The following CNBD1 variants were observed in gnomAD, a reference collection of about 807,000 sequenced individuals.
CNBD1 encodes cyclic nucleotide-binding domain-containing protein 1.
In CNBD1, 71 loss-of-function variants were observed where a neutral mutation model predicts 54.4. The observed-to-expected ratio is 1.30, with a 90% CI of 1.08 to 1.59. The LOEUF is 1.59. Ranked by LOEUF, CNBD1 falls within the 40% of genes most tolerant of loss-of-function variation. The pLI, the probability that CNBD1 is intolerant of heterozygous loss-of-function variation, is 0.00. For missense variants in CNBD1, 659 were observed against 518.0 expected (o/e 1.27, Z -2.64); for synonymous variants, 182 against 170.7 (o/e 1.07, Z -0.51).
intron 10 of CNBD1, among the ~76,000 whole-genome samples, chr8:87,356,101 G>C (rs1478810230): frequency 1.3e-5 from 2 of 151,834 alleles, no homozygotes; most frequent in Non-Finnish European, 2.9e-5. Flanking sequence ...TGCCATGCTT[G>C]TTAGACCCTG....
At chr8:87,189,712 TC>T (rs1813558578) in intron 4 of CNBD1, among the ~76,000 whole-genome samples, 1 of 152,192 alleles carries the variant, frequency 6.6e-6, no homozygotes, top group African/African-American at 2.4e-5. Context: ...ATGTGTGCAC[TC>T]CGCGAATGAC....
rs551314050 is a variant in CNBD1 at position 87,139,072 on chromosome 8, C to A, written c.432-66921C>A. 2.0e-5 allele frequency among the ~76,000 whole-genome samples: 3 copies of A among 152,210 alleles called. No homozygotes were observed. In the East Asian group the frequency reaches 5.8e-4, roughly 29 times the overall value. ...TTTGTCGTAATTTTTCATTCAAATT[C>A]TTGTTCTTGTTGTGAAAGGATGATA... On this transcript the variant is annotated intron_variant, in intron 4 of 10. Coordinates refer to ENST00000518476, the MANE Select transcript of CNBD1 (RefSeq NM_173538.3).
At chr8:87,053,963 T>C (rs1486290128) in intron 4 of CNBD1, among the ~76,000 whole-genome samples, 1 of 152,200 alleles carries the variant, frequency 6.6e-6, no homozygotes, top group Non-Finnish European at 1.5e-5. Flanking sequence ...CTTAAAAGAA[T>C]GTAGGAATTG....
At chr8:87,357,813 G>T (rs1337115618) in intron 10 of CNBD1, among the ~76,000 whole-genome samples, 1 of 152,146 alleles carries the variant, frequency 6.6e-6, no homozygotes, top group African/African-American at 2.4e-5. Flanking sequence ...TTGGATGTCT[G>T]TCCCCTCCAA....
intron 4 of CNBD1, among the ~76,000 whole-genome samples, chr8:87,065,611 G>A (rs1810632517): frequency 6.6e-6 from 1 of 151,898 alleles, no homozygotes; most frequent in South Asian, 2.1e-4. Context: ...TCCAATCTTT[G>A]TTCTCCCTTT....
At chr8:86,886,664 A>C (rs978320664) in intron 1 of CNBD1, among the ~76,000 whole-genome samples, 1 of 152,216 alleles carries the variant, frequency 6.6e-6, no homozygotes, top group Non-Finnish European at 1.5e-5. Context: ...TTGGATGTCA[A>C]ATTCCAATTC....
At chr8:87,327,368 C>G (rs867706022) in intron 8 of CNBD1, among the ~76,000 whole-genome samples, 3 of 151,734 alleles carry the variant, frequency 2.0e-5, no homozygotes, top group African/African-American at 4.8e-5. Flanking sequence ...TTTACCTAAG[C>G]AAGCCTGGGC....
rs571279492 is a variant in CNBD1, at chr8:87,319,456, G to A, written c.1043-32229G>A. Among the ~76,000 whole-genome samples, 287 of 152,048 alleles carry A rather than the reference G, an allele frequency of 1.9e-3. 1 individual carries two copies. The highest frequency in any genetic ancestry group is 6.2e-3 in the African/African-American group (259 of 41,490). ...AATACTTGCAGAAATTTTACCTCAC[G>A]TAAATGGAGTTTAGATGAGTACTCA... On this transcript the variant is annotated intron_variant, in intron 8 of 10. Coordinates refer to ENST00000518476, the MANE Select transcript of CNBD1 (RefSeq NM_173538.3).
chr8:87,101,888 A>ATTTTT lies in CNBD1; in HGVS notation c.432-104091_432-104087dup, dbSNP rs373181788. ...AGGTGAAGTGGGATCAGTAGATTTA[A>ATTTTT]TTTTTTTTTTTTTTTTTTGAGACAG... On this transcript the variant is annotated intron_variant, in intron 4 of 10. Transcript: ENST00000518476. Among the ~76,000 whole-genome samples the ATTTTT allele has an allele frequency of 2.3e-3, 321 of 137,434 alleles. 7 individuals carry two copies. The highest frequency in any genetic ancestry group is 0.02 in the Admixed American group (264 of 13,464). 90.2% of individuals were successfully genotyped at this position (137,434 alleles called of 152,430 possible). A position where few individuals can be genotyped will look rare whatever the true frequency, so the allele number is the denominator to read the frequency against.
At chr8:87,228,559 C>G (rs1040781416) in intron 5 of CNBD1, among the ~76,000 whole-genome samples, 1 of 150,096 alleles carries the variant, frequency 6.7e-6, no homozygotes, top group Non-Finnish European at 1.5e-5. Context: ...GCTCGGGGGT[C>G]AGGGGTCAGG....
chr8:87,004,478 C>T (rs1048376915), intron 4 of CNBD1, among the ~76,000 whole-genome samples: 1 of 142,902 alleles, frequency 7.0e-6, no homozygotes, highest in African/African-American at 2.5e-5. Flanking sequence ...TTATATTACT[C>T]ATTATTGCAC....
chr8:87,128,931 A>AAG (rs2130723850), intron 4 of CNBD1, among the ~76,000 whole-genome samples: 1 of 150,320 alleles, frequency 6.7e-6, no homozygotes, highest in East Asian at 2.0e-4. Context: ...AAAAAAAAAA[A>AAG]AAAAAATTAG....
At chr8:87,403,456 C>T (rs905242798) in intron 2 of CNBD1, among the ~76,000 whole-genome samples, 17 of 151,982 alleles carry the variant, frequency 1.1e-4, no homozygotes, top group Admixed American at 3.3e-4. Context: ...TTTCAATTTC[C>T]GCGTGCTACT....
intron 2 of CNBD1, among the ~76,000 whole-genome samples, chr8:86,896,389 T>C (rs1008967370): frequency 1.3e-5 from 2 of 152,160 alleles, no homozygotes; most frequent in African/African-American, 4.8e-5. Flanking sequence ...GTTTGGATAA[T>C]ATGAACATTC....
chr8:87,278,259 A>G (rs1219340580), intron 6 of CNBD1, among the ~76,000 whole-genome samples: 1 of 151,634 alleles, frequency 6.6e-6, no homozygotes, highest in Non-Finnish European at 1.5e-5. Flanking sequence ...TATAGTAGAA[A>G]CAATATTTAG....
At chr8:87,240,856 C>A (rs950410567) in intron 6 of CNBD1, among the ~76,000 whole-genome samples, 2 of 152,064 alleles carry the variant, frequency 1.3e-5, no homozygotes, top group East Asian at 3.9e-4. Flanking sequence ...TACCCTTGAT[C>A]CCTGGCTTCA....
intron 8 of CNBD1, among the ~76,000 whole-genome samples, chr8:87,347,163 T>C (rs1810192054): frequency 6.6e-6 from 1 of 152,218 alleles, no homozygotes; most frequent in Non-Finnish European, 1.5e-5. Flanking sequence ...ACTTTCTTTT[T>C]ATTAATGTTT....
Position 87,195,642 on chromosome 8 carries a change from C to T in CNBD1, c.432-10351C>T, listed in dbSNP as rs1203739932. Among the ~76,000 whole-genome samples the T allele has an allele frequency of 4.0e-5, 6 of 151,126 alleles. No individual in the cohort carries two copies. In the South Asian group the frequency reaches 6.3e-4, roughly 16 times the overall value. On this transcript the variant is annotated intron_variant, in intron 4 of 10. Coordinates refer to ENST00000518476, the MANE Select transcript of CNBD1 (RefSeq NM_173538.3). ...AGGCTAGAGTGCAATGGTGCAATCT[C>T]GGCTCACTGCGACCTCTGCCTCTTG...
intron 4 of CNBD1, among the ~76,000 whole-genome samples, chr8:86,941,261 G>A (rs1563830544): frequency 1.3e-5 from 2 of 152,270 alleles, no homozygotes; most frequent in African/African-American, 2.4e-5. Context: ...AATTAAACTT[G>A]TAAGCTGAAA....
Sources: gnomAD v4.1 joint callset for allele counts (sites outside exome capture counted in the v4.1 genomes callset) on GRCh38, gnomAD v4.1.1 for gene constraint, MANE v1.5 for transcripts, NCBI Gene and HGNC (gene_info 2026-07-23, HGNC 2026-07-21) for gene names.